The following KIAA1217 variants were observed in gnomAD, a reference collection of about 807,000 sequenced individuals.
KIAA1217 encodes the protein KIAA1217.
In KIAA1217, 88 loss-of-function variants were observed where a neutral mutation model predicts 163.9. The observed-to-expected ratio is 0.54, with a 90% CI of 0.45 to 0.64. The LOEUF is 0.64. Among genes scored for constraint, KIAA1217 ranks in the 30% least tolerant of loss-of-function variants. KIAA1217 has a pLI of 0.00. For missense variants in KIAA1217, 2,372 were observed against 2,475.0 expected (o/e 0.96, Z 0.88); for synonymous variants, 903 against 923.1 (o/e 0.98, Z 0.39).
chr10:24,278,992 G>A (rs1267504374), intron 2 of KIAA1217, among the ~76,000 whole-genome samples: 1 of 151,926 alleles, frequency 6.6e-6, no homozygotes, highest in South Asian at 2.1e-4. Context: ...GAGTAGCTGG[G>A]ATTACAGTCA....
chr10:24,367,160 C>G, intron 2 of KIAA1217: 1 of 985,626 alleles, frequency 1.0e-6, no homozygotes, highest in Non-Finnish European at 1.2e-6. Context: ...CAGAACTTGA[C>G]ATTCAAAGGT....
intron 2 of KIAA1217, among the ~76,000 whole-genome samples, chr10:24,129,723 G>C (rs1413369717): frequency 6.6e-6 from 1 of 151,890 alleles, no homozygotes; most frequent in East Asian, 1.9e-4. Flanking sequence ...CTTTATAATT[G>C]CCTCTTACCC....
intron 1 of KIAA1217, among the ~76,000 whole-genome samples, chr10:23,925,972 C>A (rs1259066277): frequency 6.6e-6 from 1 of 152,174 alleles, no homozygotes; most frequent in African/African-American, 2.4e-5. Context: ...GGCCAATAAA[C>A]TTTCTCATAC....
At chr10:23,893,391 T>C (rs1841500698) in intron 1 of KIAA1217, among the ~76,000 whole-genome samples, 1 of 152,102 alleles carries the variant, frequency 6.6e-6, no homozygotes, top group Admixed American at 6.6e-5. Context: ...TTTTCTTCTT[T>C]ATTAGTCTTG....
At chr10:24,463,422 A>AT (rs2132668530) in intron 5 of KIAA1217, among the ~76,000 whole-genome samples, 1 of 152,330 alleles carries the variant, frequency 6.6e-6, no homozygotes, top group African/African-American at 2.4e-5. Context: ...GAATTAAATA[A>AT]TTTTGGCAGC....
intron 2 of KIAA1217, among the ~76,000 whole-genome samples, chr10:24,251,116 C>T (rs1200671486): frequency 6.6e-6 from 1 of 151,946 alleles, no homozygotes; most frequent in Non-Finnish European, 1.5e-5. Flanking sequence ...ATCCTAGCTA[C>T]TCAGGAGGCT....
intron 1 of KIAA1217, among the ~76,000 whole-genome samples, chr10:23,779,996 A>G (rs1202078684): frequency 2.6e-5 from 4 of 152,222 alleles, no homozygotes; most frequent in Non-Finnish European, 5.9e-5. Context: ...AGGCTACACC[A>G]TCTAGAATTG....
intron 2 of KIAA1217, among the ~76,000 whole-genome samples, chr10:24,252,991 A>G (rs1393603222): frequency 2.4e-5 from 2 of 82,570 alleles, no homozygotes; most frequent in Admixed American, 1.6e-4. Flanking sequence ...CGCCTCTACA[A>G]ATAATTAAAA....
At chr10:24,067,294 A>G (rs772931189) in intron 2 of KIAA1217, among the ~76,000 whole-genome samples, 17 of 151,928 alleles carry the variant, frequency 1.1e-4, no homozygotes, top group Non-Finnish European at 2.1e-4. Flanking sequence ...TTTGTCTTTG[A>G]TGATGGTGAC....
At chr10:24,114,750 T>C (rs1302513958) in intron 2 of KIAA1217, among the ~76,000 whole-genome samples, 1 of 152,210 alleles carries the variant, frequency 6.6e-6, no homozygotes, top group African/African-American at 2.4e-5. Flanking sequence ...TTCCCCTGCT[T>C]AGATTATTTC....
intron 2 of KIAA1217, among the ~76,000 whole-genome samples, chr10:24,194,974 T>C (rs2066915907): frequency 6.6e-6 from 1 of 151,942 alleles, no homozygotes; most frequent in African/African-American, 2.4e-5. Flanking sequence ...CCCAGTCTTA[T>C]CCCTCCATGC....
intron 2 of KIAA1217, among the ~76,000 whole-genome samples, chr10:24,170,034 C>T (rs1355694081): frequency 6.6e-6 from 1 of 152,192 alleles, no homozygotes; most frequent in Non-Finnish European, 1.5e-5. Flanking sequence ...GTGCAGCTCT[C>T]TGCTAGCCAT....
At chr10:24,075,538 G>A (rs1021001462) in intron 2 of KIAA1217, among the ~76,000 whole-genome samples, 8 of 151,112 alleles carry the variant, frequency 5.3e-5, no homozygotes, top group East Asian at 3.9e-4. Context: ...TGTTTATATC[G>A]TCCCTTCCAT....
chr10:24,200,961 C>A (rs969078301), intron 2 of KIAA1217, among the ~76,000 whole-genome samples: 15 of 152,042 alleles, frequency 9.9e-5, no homozygotes, highest in African/African-American at 3.6e-4. Flanking sequence ...AGGGGGCAAG[C>A]AGAAACAATT....
chr10:23,811,175 ATATAC>A (rs917741018), intron 1 of KIAA1217, among the ~76,000 whole-genome samples: 3 of 142,174 alleles, frequency 2.1e-5, no homozygotes, highest in African/African-American at 5.2e-5. Flanking sequence ...TACTATACAT[ATATAC>A]TATACTATAC....
At chr10:23,962,341 A>G (rs1207755885) in intron 1 of KIAA1217, among the ~76,000 whole-genome samples, 1 of 152,238 alleles carries the variant, frequency 6.6e-6, no homozygotes, top group Non-Finnish European at 1.5e-5. Context: ...TCTGAGGCTT[A>G]ACTGAAAGTG....
intron 1 of KIAA1217, among the ~76,000 whole-genome samples, chr10:23,818,359 T>C (rs1837465384): frequency 7.0e-6 from 1 of 142,738 alleles, no homozygotes; most frequent in South Asian, 2.1e-4. Flanking sequence ...AAAATATATA[T>C]ATATATATAT....
chr10:23,857,742 C>A (rs892964912), intron 1 of KIAA1217, among the ~76,000 whole-genome samples: 1 of 151,990 alleles, frequency 6.6e-6, no homozygotes, highest in Non-Finnish European at 1.5e-5. Flanking sequence ...AGTGGGGAAT[C>A]TTTTCTTGAG....
intron 2 of KIAA1217, among the ~76,000 whole-genome samples, chr10:24,236,159 A>AT (rs2072223244): frequency 7.0e-6 from 1 of 143,232 alleles, no homozygotes; most frequent in East Asian, 2.1e-4. Flanking sequence ...TATTTGAATG[A>AT]TAAAAAAATT....
Sources: gnomAD v4.1 joint callset for allele counts (sites outside exome capture counted in the v4.1 genomes callset) on GRCh38, gnomAD v4.1.1 for gene constraint, MANE v1.5 for transcripts, NCBI Gene and HGNC (gene_info 2026-07-23, HGNC 2026-07-21) for gene names.